The following ADGRD1 variants were observed in gnomAD, a reference collection of about 807,000 sequenced individuals.
ADGRD1 encodes G-protein coupled receptor 133.
A neutral mutation model predicts 113.4 loss-of-function variants in ADGRD1; 77 were observed. That is an observed-to-expected ratio of 0.68 (90% CI 0.57 to 0.82). The LOEUF (loss-of-function observed/expected upper bound fraction) is 0.82, where lower values mean the gene tolerates loss of function less well. Among genes scored for constraint, ADGRD1 ranks in the 40% least tolerant of loss-of-function variants. The probability of loss-of-function intolerance (pLI) is 0.00; values close to 1 mark genes in which losing one functional copy is unlikely to be tolerated. For missense variants in ADGRD1, 1,036 were observed against 1,139.1 expected (o/e 0.91, Z 1.30); for synonymous variants, 474 against 475.0 (o/e 1.00, Z 0.03).
In ADGRD1 at chr12:131,055,609, C is replaced by T. The variant is rs1249004529; in HGVS notation, c.1474-21192C>T. ...AGGGGAAGGCTTTCTATGTTGTTGA[C>T]TTCAGAGTTCTTGTGCGTTTGTGTG... On this transcript the variant is annotated intron_variant, in intron 13 of 24. Coordinates refer to ENST00000261654, the MANE Select transcript of ADGRD1 (RefSeq NM_198827.5). Among the ~76,000 whole-genome samples, 4 of 152,304 alleles carry T rather than the reference C, an allele frequency of 2.6e-5. No homozygotes were observed. In the East Asian group the frequency reaches 7.7e-4, roughly 29 times the overall value.
intron 15 of ADGRD1, among the ~76,000 whole-genome samples, chr12:131,103,951 C>G (rs1249029901): frequency 6.6e-6 from 1 of 152,150 alleles, no homozygotes; most frequent in Admixed American, 6.5e-5. Context: ...CCTCCTGGAG[C>G]GCAGGGTCAC....
chr12:130,954,578 G>A lies in ADGRD1; in HGVS notation c.67-46G>A. 6.2e-7 allele frequency: 1 copy of A among 1,614,012 alleles called. No individual in the cohort carries two copies. The highest frequency in any genetic ancestry group is 1.1e-5 in the South Asian group (1 of 91,066). On this transcript the variant is annotated intron_variant, in intron 1 of 24. Transcript: ENST00000261654. The surrounding 1 kb of genome is among the most constrained non-coding windows in gnomAD (Gnocchi z 4.7). ...GATGGCGACAGGCTTGGTTTCTCCG[G>A]AGGCTTTCCCTGAGTGTGTCTCACA...
In ADGRD1 at chr12:131,067,781, T is replaced by C. The variant is rs12816248; in HGVS notation, c.1474-9020T>C. 4.4e-4 allele frequency among the ~76,000 whole-genome samples: 13 copies of C among 29,496 alleles called. 2 individuals carry two copies. The highest frequency in any genetic ancestry group is 3.5e-4 in the Non-Finnish European group (5 of 14,342). 19.4% of individuals were successfully genotyped at this position (29,496 alleles called of 152,430 possible). A position where few individuals can be genotyped will look rare whatever the true frequency, so the allele number is the denominator to read the frequency against. Reference sequence around the variant, plus strand: ...TCTGAGCAGGGGCTGCCCTCTACCTTCTGTATGTCTGATCGCTGTGCCCCT... The same window carrying C: ...TCTGAGCAGGGGCTGCCCTCTACCTCCTGTATGTCTGATCGCTGTGCCCCT... On this transcript the variant is annotated intron_variant, in intron 13 of 24. Transcript: ENST00000261654.
At chr12:131,017,351 CCACACACACCCAGTG>C (rs1566033425) in intron 13 of ADGRD1, among the ~76,000 whole-genome samples, 2 of 147,238 alleles carry the variant, frequency 1.4e-5, no homozygotes, top group Non-Finnish European at 1.5e-5. Context: ...CACACCCAGT[CCACACACACCCAGTG>C]CACACAGTCC....
chr12:131,117,602 T>C (rs1950498674), intron 18 of ADGRD1, among the ~76,000 whole-genome samples: 1 of 152,158 alleles, frequency 6.6e-6, no homozygotes, highest in African/African-American at 2.4e-5. Context: ...CAGGGTCACA[T>C]GCCCATCTTT....
Position 131,139,536 on chromosome 12 carries a change from T to A in ADGRD1, c.*273T>A, listed in dbSNP as rs569301282. 8 of 415,212 alleles carry A rather than the reference T, an allele frequency of 1.9e-5. No individual in the cohort carries two copies. The East Asian group carries it at 3.7e-4, about 19-fold the overall frequency. 25.7% of individuals were successfully genotyped at this position (415,212 alleles called of 1,614,324 possible). On this transcript the variant is annotated 3_prime_UTR_variant, in exon 25 of 25. Coordinates refer to ENST00000261654, the MANE Select transcript of ADGRD1 (RefSeq NM_198827.5). ...GGGGGATTCCCAGGACACAGTGGCC[T>A]GACTGTGATGGTGCCCTTGAGCCTC...
chr12:131,008,237 A>G (rs1260126508), intron 12 of ADGRD1, among the ~76,000 whole-genome samples: 3 of 152,214 alleles, frequency 2.0e-5, no homozygotes, highest in African/African-American at 4.8e-5. Context: ...CTTTGAGGTA[A>G]TTATCAAATC....
chr12:131,056,163 C>T (rs1220777840), intron 13 of ADGRD1, among the ~76,000 whole-genome samples: 1 of 152,062 alleles, frequency 6.6e-6, no homozygotes, highest in African/African-American at 2.4e-5. Flanking sequence ...TTATTTTTTT[C>T]CTCTTGGTTG....
intron 13 of ADGRD1, among the ~76,000 whole-genome samples, chr12:131,037,192 CCTCA>C (rs1208103523): frequency 1.4e-5 from 2 of 144,448 alleles, no homozygotes; most frequent in Non-Finnish European, 3.0e-5. Flanking sequence ...CTGCATGGGG[CCTCA>C]CTCACTACAC....
intron 14 of ADGRD1, among the ~76,000 whole-genome samples, chr12:131,078,988 C>T (rs12423127): frequency 0.061 from 9,219 of 152,234 alleles, 282 homozygotes; most frequent in East Asian, 0.082. Context: ...AAGATGCCCC[C>T]GTGTCTGTTT....
intron 18 of ADGRD1, 28 bp from the exon 19 acceptor site, chr12:131,118,357 G>A: frequency 6.4e-7 from 1 of 1,572,316 alleles, no homozygotes; most frequent in Non-Finnish European, 8.7e-7. Context: ...TGGAGCAAGT[G>A]AACATGATAT....
At chr12:131,037,803 C>T (rs1244524656) in intron 13 of ADGRD1, among the ~76,000 whole-genome samples, 1 of 49,152 alleles carries the variant, frequency 2.0e-5, no homozygotes, top group Non-Finnish European at 6.6e-5. Flanking sequence ...GTCTCACTCA[C>T]TGCACCAGGA....
intron 8 of ADGRD1, among the ~76,000 whole-genome samples, chr12:130,997,376 TGCCGGGCGGAGGG>T (rs1396196863): frequency 7.6e-5 from 8 of 105,140 alleles, no homozygotes; most frequent in African/African-American, 2.4e-4. Context: ...ACGGGGTGGC[TGCCGGGCGGAGGG>T]GCTCCTCACT....
At chr12:130,995,273 G>C (rs979282650) in intron 8 of ADGRD1, among the ~76,000 whole-genome samples, 11 of 152,186 alleles carry the variant, frequency 7.2e-5, no homozygotes, top group Non-Finnish European at 1.2e-4. Flanking sequence ...GCCCAGGTGT[G>C]GGGGCTGGGG....
At chr12:131,061,960 T>G (rs1475465511) in intron 13 of ADGRD1, among the ~76,000 whole-genome samples, 1 of 152,212 alleles carries the variant, frequency 6.6e-6, no homozygotes, top group Non-Finnish European at 1.5e-5. Flanking sequence ...TGTTTATACT[T>G]TTTCATTGCT....
At chr12:130,970,427 TTA>T (rs1275576593) in intron 3 of ADGRD1, 28 of 152,250 alleles carry the variant, frequency 1.8e-4, no homozygotes, top group African/African-American at 6.3e-4. Flanking sequence ...GGGATAAAAT[TTA>T]AAAATGAGTT....
Position 131,105,809 on chromosome 12 carries a change from G to T in ADGRD1, c.1831G>T (p.Ala611Ser), listed in dbSNP as rs757126279. The change falls in exon 17 of 25, where the codon GCC (alanine) becomes TCC (serine). Residue 611 changes from alanine to serine, a missense_variant. Physicochemically the swap from Ala to Ser is moderately conservative, Grantham distance 99. Coordinates refer to ENST00000261654, the MANE Select transcript of ADGRD1 (RefSeq NM_198827.5). ...RYHIHANLSFAVLVAQVLLLI... is the reference protein window; with the variant it reads ...RYHIHANLSFSVLVAQVLLLI... ...CCACATCCACGCCAACCTGTCCTTCGCCGTGCTGGTGGCCCAGGTCCTGCT... is the reference window on the plus strand; with the variant it reads ...CCACATCCACGCCAACCTGTCCTTCTCCGTGCTGGTGGCCCAGGTCCTGCT... 6.2e-7 allele frequency: 1 copy of T among 1,601,106 alleles called. No homozygotes were observed. The highest frequency in any genetic ancestry group is 1.3e-5 in the African/African-American group (1 of 75,046).
chr12:131,136,667 C>T (rs1951095841), intron 22 of ADGRD1, among the ~76,000 whole-genome samples: 1 of 152,262 alleles, frequency 6.6e-6, no homozygotes. Flanking sequence ...GTCTGCAGGC[C>T]AGTGGCACGT....
chr12:131,137,145 C>G, intron 23 of ADGRD1, 131 bp downstream of exon 23: 1 of 771,218 alleles, frequency 1.3e-6, no homozygotes, highest in Non-Finnish European at 2.3e-6. Context: ...AGCCACGTTC[C>G]TGATGCCAAG....
Sources: allele counts gnomAD v4.1 joint callset (sites outside exome capture counted in the v4.1 genomes callset), GRCh38; gene constraint gnomAD v4.1.1; non-coding constraint Gnocchi (gnomAD v3.1); transcripts MANE v1.5; gene names NCBI Gene and HGNC (gene_info 2026-07-23, HGNC 2026-07-21).